The following CNTNAP2 variants were observed in gnomAD, a reference collection of about 807,000 sequenced individuals.
CNTNAP2 encodes the protein contactin-associated protein-like 2.
In CNTNAP2, 98 loss-of-function variants were observed where a neutral mutation model predicts 155.2. That is an observed-to-expected ratio of 0.63 (90% CI 0.54 to 0.75). The LOEUF (loss-of-function observed/expected upper bound fraction) is 0.75, where lower values mean the gene tolerates loss of function less well. CNTNAP2 is among the 30% of genes least tolerant of loss of function. CNTNAP2 has a pLI of 0.00. For synonymous variants in CNTNAP2, 651 were observed against 631.2 expected (o/e 1.03, Z -0.47); for missense variants, 1,727 against 1,688.1 (o/e 1.02, Z -0.40).
rs563167968 is a variant in CNTNAP2, at chr7:146,285,512, G to C, written c.97+168539G>C. On this transcript the variant is annotated intron_variant, in intron 1 of 23. Transcript: ENST00000361727. Reference sequence around the variant, plus strand: ...TTTATTAAGAAGGTTTTATTAAGAAGTGAACTATTTTTAGGTAAACTGTGA... The same window carrying C: ...TTTATTAAGAAGGTTTTATTAAGAACTGAACTATTTTTAGGTAAACTGTGA... Among the ~76,000 whole-genome samples, 5 of 152,116 alleles carry C rather than the reference G, an allele frequency of 3.3e-5. No individual in the cohort carries two copies. The South Asian group carries it at 6.2e-4, about 19-fold the overall frequency.
At chr7:146,921,397 A>G (rs1274594091) in intron 3 of CNTNAP2, among the ~76,000 whole-genome samples, 1 of 152,200 alleles carries the variant, frequency 6.6e-6, no homozygotes, top group South Asian at 2.1e-4. Flanking sequence ...CTAAGCCAGA[A>G]CATCCTTCGT....
chr7:146,760,409 C>CTTTTTTTTTTTTTTTTTTTTTTTTTTT (rs532820418), intron 1 of CNTNAP2, among the ~76,000 whole-genome samples: 6 of 56,298 alleles, frequency 1.1e-4, no homozygotes, highest in African/African-American at 2.5e-4. Flanking sequence ...TCCAATTTAC[C>CTTTTTTTTTTTTTTTTTTTTTTTTTTT]TTTTTTTTTT....
intron 1 of CNTNAP2, among the ~76,000 whole-genome samples, chr7:146,527,442 A>G (rs1234703116): frequency 6.6e-6 from 1 of 152,172 alleles, no homozygotes; most frequent in Non-Finnish European, 1.5e-5. Flanking sequence ...TTCAGCTACT[A>G]TGCATGAGAC....
chr7:146,996,850 C>G (rs1798317985), intron 3 of CNTNAP2, among the ~76,000 whole-genome samples: 1 of 152,022 alleles, frequency 6.6e-6, no homozygotes, highest in African/African-American at 2.4e-5. Flanking sequence ...GGGAGGGACC[C>G]CGTGGGGAGA....
At chr7:146,137,711 A>G (rs1385388921) in intron 1 of CNTNAP2, among the ~76,000 whole-genome samples, 1 of 152,076 alleles carries the variant, frequency 6.6e-6, no homozygotes, top group Admixed American at 6.6e-5. Context: ...CATGTACCAT[A>G]AACTACTATA....
At chr7:148,047,526 C>A (rs946691620) in intron 15 of CNTNAP2, among the ~76,000 whole-genome samples, 1 of 151,918 alleles carries the variant, frequency 6.6e-6, no homozygotes, top group African/African-American at 2.4e-5. Context: ...CCATTTGAAA[C>A]AGTAATATCA....
intron 1 of CNTNAP2, among the ~76,000 whole-genome samples, chr7:146,239,872 A>T (rs6960811): frequency 0.13 from 19,163 of 152,178 alleles, 3,367 homozygotes; most frequent in African/African-American, 0.39. Flanking sequence ...GGAAATATGT[A>T]TTAATCTTTC....
At chr7:148,251,970 T>G (rs1796370793) in intron 20 of CNTNAP2, among the ~76,000 whole-genome samples, 1 of 152,236 alleles carries the variant, frequency 6.6e-6, no homozygotes, top group Non-Finnish European at 1.5e-5. Context: ...AGAATCCATC[T>G]TCTTTACCTC....
At chr7:147,960,216 T>C (rs1391008993) in intron 14 of CNTNAP2, among the ~76,000 whole-genome samples, 1 of 151,978 alleles carries the variant, frequency 6.6e-6, no homozygotes, top group Non-Finnish European at 1.5e-5. Flanking sequence ...GAGGGAAAAA[T>C]AATAACTGGT....
intron 18 of CNTNAP2, among the ~76,000 whole-genome samples, chr7:148,215,593 G>A (rs750979026): frequency 4.6e-5 from 7 of 151,834 alleles, no homozygotes; most frequent in Non-Finnish European, 7.4e-5. Flanking sequence ...TGTGAGGTGG[G>A]GGCCAGGACA....
intron 15 of CNTNAP2, among the ~76,000 whole-genome samples, chr7:147,980,824 G>C (rs747392097): frequency 1.7e-4 from 25 of 150,910 alleles, no homozygotes; most frequent in African/African-American, 6.1e-4. Flanking sequence ...CCAGCTACTC[G>C]GGAGGCTGAG....
chr7:146,601,478 G>T (rs982357563), intron 1 of CNTNAP2, among the ~76,000 whole-genome samples: 2 of 151,970 alleles, frequency 1.3e-5, no homozygotes, highest in African/African-American at 2.4e-5. Context: ...ATGTTTACTT[G>T]TAAGTTATCC....
chr7:148,232,579 C>T (rs1795983191), intron 20 of CNTNAP2, among the ~76,000 whole-genome samples: 1 of 152,106 alleles, frequency 6.6e-6, no homozygotes, highest in African/African-American at 2.4e-5. Flanking sequence ...TTCTGGTAGT[C>T]CCCAGTTATA....
intron 18 of CNTNAP2, among the ~76,000 whole-genome samples, chr7:148,186,448 T>C (rs1249515071): frequency 1.3e-5 from 2 of 152,184 alleles, no homozygotes; most frequent in Non-Finnish European, 2.9e-5. Context: ...TTCCACCATA[T>C]ACACTAGAAT....
chr7:146,231,042 A>ATAAATAAATAAATAAATAAATAAAT (rs76111973), intron 1 of CNTNAP2, among the ~76,000 whole-genome samples: 1,771 of 150,444 alleles, frequency 0.012, 28 homozygotes, highest in African/African-American at 0.04. Flanking sequence ...AAATAAATAA[A>ATAAATAAATAAATAAATAAATAAAT]AAGTTAATAT....
intron 13 of CNTNAP2, among the ~76,000 whole-genome samples, chr7:147,837,220 T>C (rs372165056): frequency 5.9e-5 from 9 of 152,170 alleles, no homozygotes; most frequent in East Asian, 5.8e-4. Flanking sequence ...CCCACAATCA[T>C]GGCAGAAGGT....
At chr7:148,124,597 C>A (rs1804673928) in intron 16 of CNTNAP2, among the ~76,000 whole-genome samples, 1 of 152,166 alleles carries the variant, frequency 6.6e-6, no homozygotes, top group Non-Finnish European at 1.5e-5. Context: ...AGGAGACAAA[C>A]ACATTAGTGA....
intron 14 of CNTNAP2, among the ~76,000 whole-genome samples, chr7:147,914,812 A>G (rs1370544860): frequency 6.6e-6 from 1 of 152,160 alleles, no homozygotes; most frequent in Non-Finnish European, 1.5e-5. Context: ...TTGGCCTCCC[A>G]AAATACTGGG....
intron 16 of CNTNAP2, among the ~76,000 whole-genome samples, chr7:148,141,796 A>T (rs548388377): frequency 7.9e-5 from 12 of 152,340 alleles, no homozygotes; most frequent in Middle Eastern, 3.4e-3. Flanking sequence ...TTCTAATATG[A>T]TGACTTGTGA....
Sources: gnomAD v4.1 joint callset for allele counts (sites outside exome capture counted in the v4.1 genomes callset) on GRCh38, gnomAD v4.1.1 for gene constraint, MANE v1.5 for transcripts, NCBI Gene and HGNC (gene_info 2026-07-23, HGNC 2026-07-21) for gene names.